PEAK1: variants seen among roughly 807,000 people sequenced by gnomAD.
The protein encoded by PEAK1 is inactive tyrosine-protein kinase PEAK1.
Under a neutral mutation model 124.7 loss-of-function variants are expected in PEAK1, and 54 were observed. That is an observed-to-expected ratio of 0.43 (90% CI 0.35 to 0.54). PEAK1 has a LOEUF of 0.54. Ranked by LOEUF, PEAK1 falls within the 20% of genes least tolerant of loss-of-function variation. PEAK1 has a pLI of 0.01. For missense variants in PEAK1, 2,046 were observed against 2,134.5 expected (o/e 0.96, Z 0.82); for synonymous variants, 719 against 760.0 (o/e 0.95, Z 0.89).
At chr15:77,352,924 A>G (rs1445749727) in intron 2 of PEAK1, 3 of 985,254 alleles carry the variant, frequency 3.0e-6, no homozygotes, top group Non-Finnish European at 3.6e-6. Context: ...TACACAAATG[A>G]GCTAATGTAT....
At chr15:77,320,553 G>A (rs1345328737) in intron 2 of PEAK1, among the ~76,000 whole-genome samples, 2 of 152,132 alleles carry the variant, frequency 1.3e-5, no homozygotes, top group Admixed American at 6.5e-5. Flanking sequence ...TGCCTTGGTA[G>A]TTCATTGTTT....
chr15:77,121,127 T>C (rs1167823329), intron 9 of PEAK1, among the ~76,000 whole-genome samples: 1 of 152,182 alleles, frequency 6.6e-6, no homozygotes, highest in Non-Finnish European at 1.5e-5. Flanking sequence ...GCAGGTTTGC[T>C]ACCTGGGTAT....
At chr15:77,223,127 C>T (rs1311674328) in intron 6 of PEAK1, among the ~76,000 whole-genome samples, 2 of 151,976 alleles carry the variant, frequency 1.3e-5, no homozygotes, top group Admixed American at 1.3e-4. Flanking sequence ...GTCTAAAGAG[C>T]TAGAAATTAG....
At chr15:77,388,369 A>G (rs148693436) in intron 1 of PEAK1, among the ~76,000 whole-genome samples, 22 of 152,330 alleles carry the variant, frequency 1.4e-4, no homozygotes, top group African/African-American at 5.1e-4. Context: ...ACGTGCAGCT[A>G]ATGAAATCTG....
intron 9 of PEAK1, among the ~76,000 whole-genome samples, chr15:77,117,752 C>T (rs2051525566): frequency 6.6e-6 from 1 of 152,012 alleles, no homozygotes; most frequent in South Asian, 2.1e-4. Context: ...AATTGTTTGG[C>T]CAAGTCTAGT....
At chr15:77,393,901 C>G (rs1401039947) in intron 1 of PEAK1, among the ~76,000 whole-genome samples, 2 of 152,146 alleles carry the variant, frequency 1.3e-5, no homozygotes, top group Non-Finnish European at 2.9e-5. Flanking sequence ...GCCCACTGCT[C>G]TGAAGGGAGA....
At chr15:77,126,041 A>C (rs1478370080) in intron 9 of PEAK1, among the ~76,000 whole-genome samples, 1 of 152,234 alleles carries the variant, frequency 6.6e-6, no homozygotes, top group Admixed American at 6.5e-5. Flanking sequence ...GTTTTCAATA[A>C]GCTTAGTGTT....
chr15:77,345,461 C>A (rs1372127528), intron 2 of PEAK1, among the ~76,000 whole-genome samples: 1 of 152,014 alleles, frequency 6.6e-6, no homozygotes, highest in Non-Finnish European at 1.5e-5. Flanking sequence ...TTATGAAAGA[C>A]CAGAGGTTTT....
chr15:77,371,163 A>G, intron 1 of PEAK1: 1 of 974,058 alleles, frequency 1.0e-6, no homozygotes, highest in Non-Finnish European at 1.2e-6. Flanking sequence ...GAAAGTAAAA[A>G]CTTCATTATT....
At chr15:77,127,035 G>A (rs1276251602) in intron 9 of PEAK1, among the ~76,000 whole-genome samples, 1 of 152,192 alleles carries the variant, frequency 6.6e-6, no homozygotes, top group Non-Finnish European at 1.5e-5. Flanking sequence ...GGCTAACAAG[G>A]AGGTAATTAA....
intron 1 of PEAK1, among the ~76,000 whole-genome samples, chr15:77,365,944 T>C (rs1447358864): frequency 1.3e-5 from 2 of 152,062 alleles, no homozygotes; most frequent in South Asian, 2.1e-4. Context: ...CACATGTTTA[T>C]AAAACCTAAG....
At chr15:77,360,213 C>T (rs2067795198) in intron 2 of PEAK1, among the ~76,000 whole-genome samples, 1 of 152,158 alleles carries the variant, frequency 6.6e-6, no homozygotes, top group African/African-American at 2.4e-5. Flanking sequence ...TGAACCCCTA[C>T]ATTACACCAT....
intron 5 of PEAK1, among the ~76,000 whole-genome samples, chr15:77,266,881 G>C (rs2061764268): frequency 6.6e-6 from 1 of 152,080 alleles, no homozygotes; most frequent in Non-Finnish European, 1.5e-5. Context: ...GGACAGCCAA[G>C]GAACTCTGAG....
At chr15:77,226,067 A>ATATATATATAT (rs1238358586) in intron 6 of PEAK1, among the ~76,000 whole-genome samples, 2 of 135,564 alleles carry the variant, frequency 1.5e-5, no homozygotes, top group African/African-American at 5.5e-5. Context: ...ATATATATAT[A>ATATATATATAT]TATATATATA....
intron 2 of PEAK1, among the ~76,000 whole-genome samples, chr15:77,298,826 C>T (rs1016027928): frequency 6.6e-6 from 1 of 152,080 alleles, no homozygotes; most frequent in Non-Finnish European, 1.5e-5. Context: ...AAAAACTGTC[C>T]CTTCTCTCCG....
chr15:77,294,291 A>G (rs1470698176), intron 2 of PEAK1, among the ~76,000 whole-genome samples: 1 of 152,194 alleles, frequency 6.6e-6, no homozygotes, highest in Non-Finnish European at 1.5e-5. Context: ...GTAAATATAT[A>G]ACAGAAGAAC....
intron 1 of PEAK1, among the ~76,000 whole-genome samples, chr15:77,412,852 C>T (rs911202583): frequency 1.3e-5 from 2 of 151,716 alleles, no homozygotes; most frequent in Admixed American, 6.6e-5. Flanking sequence ...CATGTACATA[C>T]GCATAAAAAA....
At chr15:77,331,703 G>A (rs538459792) in intron 2 of PEAK1, among the ~76,000 whole-genome samples, 5 of 151,806 alleles carry the variant, frequency 3.3e-5, no homozygotes, top group South Asian at 2.1e-4. Flanking sequence ...TGCAACCTCC[G>A]CCTCCTGGGT....
chr15:77,149,648 C>T (rs2054433782), intron 8 of PEAK1, among the ~76,000 whole-genome samples: 1 of 152,140 alleles, frequency 6.6e-6, no homozygotes, highest in Non-Finnish European at 1.5e-5. Flanking sequence ...ACTTTATTAC[C>T]TTTCCAAAGA....
Sources: gnomAD v4.1 joint callset for allele counts (sites outside exome capture counted in the v4.1 genomes callset) on GRCh38, gnomAD v4.1.1 for gene constraint, MANE v1.5 for transcripts, NCBI Gene and HGNC (gene_info 2026-07-23, HGNC 2026-07-21) for gene names.